The following GLI2 variants were observed in gnomAD, a reference collection of about 807,000 sequenced individuals.
The protein encoded by GLI2 is transcription activator GLI2.
GLI2 carries 22 observed loss-of-function variants against 78.9 expected under a neutral mutation model. That is an observed-to-expected ratio of 0.28 (90% CI 0.20 to 0.40). The LOEUF is 0.40. Among genes scored for constraint, GLI2 ranks in the 10% least tolerant of loss-of-function variants. The probability of loss-of-function intolerance (pLI) is 1.00; values close to 1 mark genes in which losing one functional copy is unlikely to be tolerated. For missense variants in GLI2, 2,097 were observed against 2,213.2 expected, an observed-to-expected ratio of 0.95 and a Z score of 1.05; for synonymous variants, 974 against 963.7, an observed-to-expected ratio of 1.01 and a Z score of -0.20.
chr2:120,819,887 G>C (rs1685681659), intron 2 of GLI2, among the ~76,000 whole-genome samples: 2 of 152,174 alleles, frequency 1.3e-5, no homozygotes, highest in Non-Finnish European at 2.9e-5. Flanking sequence ...GGGGAAGAGA[G>C]GCAGGGAAGA....
intron 3 of GLI2, among the ~76,000 whole-genome samples, chr2:120,941,737 G>A (rs1274334303): frequency 6.6e-6 from 1 of 152,228 alleles, no homozygotes; most frequent in Non-Finnish European, 1.5e-5. Context: ...GAGCTCCGTG[G>A]ACCCACCCAT....
intron 2 of GLI2, among the ~76,000 whole-genome samples, chr2:120,899,400 CACACAT>C (rs1337282695): frequency 2.7e-5 from 3 of 110,378 alleles, no homozygotes; most frequent in African/African-American, 6.6e-5. Context: ...TGTGTGTACA[CACACAT>C]ACACACACAC....
chr2:120,776,456 A>G (rs774582641), intron 1 of GLI2, among the ~76,000 whole-genome samples: 24 of 151,042 alleles, frequency 1.6e-4, no homozygotes, highest in Non-Finnish European at 7.4e-5. Flanking sequence ...GTAGATGCAT[A>G]TTTTTCTTCT....
intron 4 of GLI2, among the ~76,000 whole-genome samples, chr2:120,954,218 G>A (rs1573665973): frequency 6.6e-6 from 1 of 152,176 alleles, no homozygotes; most frequent in Admixed American, 6.5e-5. Flanking sequence ...GCTCATCAGC[G>A]ATCCGAGGCA....
At chr2:120,759,242 G>C (rs1385302453) in intron 1 of GLI2, among the ~76,000 whole-genome samples, 4 of 152,164 alleles carry the variant, frequency 2.6e-5, no homozygotes, top group African/African-American at 7.2e-5. Flanking sequence ...GTGAATACCA[G>C]CTAGGTGTCC....
At chr2:120,956,531 C>A (rs549089089) in intron 5 of GLI2, among the ~76,000 whole-genome samples, 213 of 152,108 alleles carry the variant, frequency 1.4e-3, no homozygotes, top group Non-Finnish European at 2.6e-3. Context: ...CCCCTCCCAT[C>A]CCCCAGTCAG....
chr2:120,873,922 C>T (rs1688595146), intron 2 of GLI2, among the ~76,000 whole-genome samples: 1 of 152,184 alleles, frequency 6.6e-6, no homozygotes, highest in East Asian at 1.9e-4. Flanking sequence ...GAGACTGCAC[C>T]CTCTTGCCTA....
chr2:120,809,765 T>C (rs1443388253), intron 2 of GLI2, among the ~76,000 whole-genome samples: 1 of 152,108 alleles, frequency 6.6e-6, no homozygotes, highest in Non-Finnish European at 1.5e-5. Flanking sequence ...GCTCTAAAAA[T>C]AACTGAAGTG....
At chr2:120,982,680 T>C (rs1682769115) in intron 10 of GLI2, 36 bp from the exon 11 acceptor site, 1 of 1,585,782 alleles carries the variant, frequency 6.3e-7, no homozygotes, top group Non-Finnish European at 8.6e-7. Context: ...TTGGGCCCCC[T>C]GGGGTGCCTT....
At chr2:120,973,244 C>T (rs140833330) in intron 8 of GLI2, among the ~76,000 whole-genome samples, 5 of 152,306 alleles carry the variant, frequency 3.3e-5, no homozygotes, top group African/African-American at 7.2e-5. Flanking sequence ...TCCACGGGGC[C>T]GACCATCATC....
chr2:120,767,441 C>T (rs1055401501), intron 1 of GLI2, among the ~76,000 whole-genome samples: 1 of 152,214 alleles, frequency 6.6e-6, no homozygotes, highest in Non-Finnish European at 1.5e-5. Context: ...GCTCCCTCTC[C>T]CAGTCTGCCG....
intron 7 of GLI2, among the ~76,000 whole-genome samples, chr2:120,971,514 G>C (rs774083300): frequency 7.2e-5 from 11 of 152,254 alleles, no homozygotes; most frequent in Non-Finnish European, 1.3e-4. Flanking sequence ...AACATCACCT[G>C]ATACTTTAGC....
At chr2:120,826,635 C>T (rs993320577) in intron 2 of GLI2, among the ~76,000 whole-genome samples, 3 of 152,154 alleles carry the variant, frequency 2.0e-5, no homozygotes, top group African/African-American at 4.8e-5. Flanking sequence ...CCTGCATTGC[C>T]GTTTTACAGA....
At chr2:120,831,099 CTCTT>C (rs1015110872) in intron 2 of GLI2, among the ~76,000 whole-genome samples, 9 of 151,664 alleles carry the variant, frequency 5.9e-5, no homozygotes, top group South Asian at 2.1e-4. Flanking sequence ...TTCTCTCTCT[CTCTT>C]TCTGTCATCC....
In GLI2 at chr2:120,988,610, G is replaced by T; in HGVS notation, c.2645G>T (p.Gly882Val). 1 of 1,469,352 alleles carries T rather than the reference G, an allele frequency of 6.8e-7. No individual in the cohort carries two copies. The highest frequency in any genetic ancestry group is 1.3e-5 in the South Asian group (1 of 78,182). 91.0% of individuals were successfully genotyped at this position (1,469,352 alleles called of 1,614,324 possible). A position where few individuals can be genotyped will look rare whatever the true frequency, so the allele number is the denominator to read the frequency against. The change falls in exon 14 of 14, where the codon GGC becomes GTC. Residue 882 changes from glycine (G) to valine (V), a missense_variant. Physicochemically the swap from Gly to Val is moderately radical, Grantham distance 109 (BLOSUM62 -3). This residue lies in a region of GLI2 where 1,290 missense variants were observed against 1,261.7 expected (regional missense o/e 1.02). Transcript: ENST00000361492. ...LRAKYAAATG[G>V]PPPTPLPGLE... ...GCCAAGTACGCGGCAGCCACTGGCG[G>T]CCCCCCGCCCACTCCGCTGCCGGGC...
chr2:120,743,658 C>T (rs1365777784), intron 1 of GLI2, among the ~76,000 whole-genome samples: 1 of 152,180 alleles, frequency 6.6e-6, no homozygotes, highest in Non-Finnish European at 1.5e-5. Flanking sequence ...AGATAATTAG[C>T]CCGAACCCCT....
chr2:120,851,384 T>C (rs1036346732), intron 2 of GLI2, among the ~76,000 whole-genome samples: 5 of 152,208 alleles, frequency 3.3e-5, no homozygotes, highest in Admixed American at 6.5e-5. Flanking sequence ...TTTTTGGAAA[T>C]ACACAAAAAT....
intron 2 of GLI2, among the ~76,000 whole-genome samples, chr2:120,890,442 CATAT>C (rs70954512): frequency 3.4e-4 from 51 of 149,824 alleles, no homozygotes; most frequent in African/African-American, 9.2e-4. Flanking sequence ...CACACATTCA[CATAT>C]ATATATATAT....
At chr2:120,813,773 C>T (rs1685369667) in intron 2 of GLI2, among the ~76,000 whole-genome samples, 1 of 152,126 alleles carries the variant, frequency 6.6e-6, no homozygotes, top group Non-Finnish European at 1.5e-5. Context: ...GCTACTTTGT[C>T]CTGAGAAGGT....
Sources: gnomAD v4.1 joint callset for allele counts (sites outside exome capture counted in the v4.1 genomes callset) on GRCh38, gnomAD v4.1.1 for gene constraint, gnomAD v4.1.1 regional missense constraint, MANE v1.5 for transcripts, NCBI Gene and HGNC (gene_info 2026-07-23, HGNC 2026-07-21) for gene names.